Variants in SIK3 observed in about 807,000 individuals in gnomAD.
SIK3 encodes the protein serine/threonine-protein kinase SIK3.
In SIK3, 28 loss-of-function variants were observed where a neutral mutation model predicts 144.2. That is an observed-to-expected ratio of 0.19 (90% CI 0.14 to 0.27). The LOEUF (loss-of-function observed/expected upper bound fraction) is 0.27. SIK3 is among the 10% of genes least tolerant of loss of function. The probability of loss-of-function intolerance (pLI) is 1.00; values close to 1 mark genes in which losing one functional copy is unlikely to be tolerated. For synonymous variants in SIK3, 686 were observed against 676.3 expected, an observed-to-expected ratio of 1.01 and a Z score of -0.22; for missense variants, 1,319 against 1,776.0, an observed-to-expected ratio of 0.74 and a Z score of 4.62.
chr11:116,908,194 G>A (rs988461564), intron 4 of SIK3, among the ~76,000 whole-genome samples: 14 of 152,150 alleles, frequency 9.2e-5, no homozygotes, highest in South Asian at 8.3e-4. Flanking sequence ...TAAAGGACTC[G>A]GCTGGACGTG....
chr11:117,020,232 T>G (rs774360540), intron 1 of SIK3, among the ~76,000 whole-genome samples: 36 of 146,786 alleles, frequency 2.5e-4, no homozygotes, highest in Admixed American at 1.4e-3. Flanking sequence ...TATGTGTATA[T>G]GTGCATATAT....
intron 1 of SIK3, among the ~76,000 whole-genome samples, chr11:117,017,116 G>A (rs926141845): frequency 2.4e-4 from 37 of 152,220 alleles, no homozygotes; most frequent in African/African-American, 8.7e-4. Context: ...AATTAGCTGA[G>A]TGCAATGGCA....
chr11:116,874,192 A>G, intron 11 of SIK3, 136 bp from the exon 12 acceptor site: 1 of 937,702 alleles, frequency 1.1e-6, no homozygotes. Flanking sequence ...TCTCTTTAAG[A>G]TCCTAAAGCA....
At chr11:117,078,923 A>G (rs893508571) in intron 1 of SIK3, among the ~76,000 whole-genome samples, 10 of 152,088 alleles carry the variant, frequency 6.6e-5, no homozygotes, top group Non-Finnish European at 1.0e-4. Context: ...AGAAATGCCC[A>G]AAGTTATAAA....
intron 1 of SIK3, among the ~76,000 whole-genome samples, chr11:117,091,851 T>C (rs1419451461): frequency 3.3e-5 from 5 of 152,232 alleles, no homozygotes; most frequent in African/African-American, 9.6e-5. Flanking sequence ...GGTGTGTCCA[T>C]AGTTCACCAC....
At chr11:117,074,268 T>C (rs185975478) in intron 1 of SIK3, among the ~76,000 whole-genome samples, 1 of 152,298 alleles carries the variant, frequency 6.6e-6, no homozygotes, top group Admixed American at 6.5e-5. Flanking sequence ...ATTTCTAGAA[T>C]GACAGATACA....
At chr11:116,869,543 A>T (rs892686495) in intron 14 of SIK3, 1 of 152,366 alleles carries the variant, frequency 6.6e-6, no homozygotes, top group African/African-American at 2.4e-5. Context: ...AAACCATTTT[A>T]TTTCAACTTC....
chr11:116,975,675 TA>T (rs756803777), intron 1 of SIK3, among the ~76,000 whole-genome samples: 16 of 152,252 alleles, frequency 1.1e-4, no homozygotes, highest in Non-Finnish European at 2.2e-4. Context: ...TGAACATTCA[TA>T]AAATTTTTAT....
chr11:116,959,925 T>A (rs752555848), intron 1 of SIK3, among the ~76,000 whole-genome samples: 3 of 152,184 alleles, frequency 2.0e-5, no homozygotes, highest in Non-Finnish European at 4.4e-5. Context: ...TGAAGGAGAT[T>A]TGAAATGTCA....
intron 1 of SIK3, among the ~76,000 whole-genome samples, chr11:116,969,289 C>CAAAAAA (rs60102923): frequency 1.4e-5 from 1 of 73,602 alleles, no homozygotes; most frequent in Non-Finnish European, 2.5e-5. Context: ...GACTCCGTCT[C>CAAAAAA]AAAAAAAAAA....
At chr11:117,008,680 C>G (rs1292349818) in intron 1 of SIK3, among the ~76,000 whole-genome samples, 1 of 152,112 alleles carries the variant, frequency 6.6e-6, no homozygotes, top group Non-Finnish European at 1.5e-5. Flanking sequence ...GGGCTTAATT[C>G]TACGCAGTTA....
At chr11:117,008,437 A>G (rs1365823554) in intron 1 of SIK3, among the ~76,000 whole-genome samples, 4 of 151,446 alleles carry the variant, frequency 2.6e-5, no homozygotes, top group Admixed American at 2.6e-4. Context: ...ATAACCTTGC[A>G]AACTCACAAG....
intron 1 of SIK3, among the ~76,000 whole-genome samples, chr11:116,974,508 A>T (rs1299538318): frequency 6.6e-6 from 1 of 152,012 alleles, no homozygotes; most frequent in Non-Finnish European, 1.5e-5. Context: ...GCCTCAAGTG[A>T]TCCTCCCCAG....
chr11:117,084,622 C>G (rs186459332), intron 1 of SIK3, among the ~76,000 whole-genome samples: 1 of 152,028 alleles, frequency 6.6e-6, no homozygotes, highest in South Asian at 2.1e-4. Flanking sequence ...TTTTCCCAAA[C>G]CTATTTATAC....
chr11:117,085,024 CA>C, intron 1 of SIK3, among the ~76,000 whole-genome samples: 1 of 151,056 alleles, frequency 6.6e-6, no homozygotes, highest in East Asian at 2.0e-4. Flanking sequence ...TTAATATTAA[CA>C]AAAAACATTA....
chr11:117,063,519 T>C (rs1197710961), intron 1 of SIK3, among the ~76,000 whole-genome samples: 1 of 151,518 alleles, frequency 6.6e-6, no homozygotes, highest in Non-Finnish European at 1.5e-5. Flanking sequence ...GATTTACCAA[T>C]AAAGATGTGA....
At chr11:116,941,808 C>G (rs1489782219) in intron 3 of SIK3, among the ~76,000 whole-genome samples, 1 of 152,158 alleles carries the variant, frequency 6.6e-6, no homozygotes, top group Non-Finnish European at 1.5e-5. Flanking sequence ...TTTATGACTT[C>G]ATGGTCTCAA....
intron 1 of SIK3, among the ~76,000 whole-genome samples, chr11:117,074,278 A>C (rs1264011969): frequency 6.6e-6 from 1 of 152,150 alleles, no homozygotes; most frequent in African/African-American, 2.4e-5. Flanking sequence ...TGACAGATAC[A>C]TCCCTATCTC....
intron 1 of SIK3, among the ~76,000 whole-genome samples, chr11:117,069,693 C>A (rs1954181296): frequency 6.6e-6 from 1 of 152,128 alleles, no homozygotes; most frequent in Non-Finnish European, 1.5e-5. Context: ...ACCCTCTATT[C>A]TCCTTCTTAA....
Sources: gnomAD v4.1 joint callset for allele counts (sites outside exome capture counted in the v4.1 genomes callset) on GRCh38, gnomAD v4.1.1 for gene constraint, MANE v1.5 for transcripts, NCBI Gene and HGNC (gene_info 2026-07-23, HGNC 2026-07-21) for gene names.